RBFOX1: variants seen among roughly 807,000 people sequenced by gnomAD.
RBFOX1 encodes RNA binding protein fox-1 homolog 1.
In RBFOX1, 8 loss-of-function variants were observed where a neutral mutation model predicts 57.7. The ratio of observed to expected loss-of-function variants is 0.14; its 90% confidence interval spans 0.08 to 0.25. RBFOX1 has a LOEUF of 0.25. RBFOX1 is among the 10% of genes least tolerant of loss of function. The pLI, the probability that RBFOX1 is intolerant of heterozygous loss-of-function variation, is 1.00. For missense variants in RBFOX1, 611 were observed against 548.5 expected (o/e 1.11, Z -1.14); for synonymous variants, 326 against 222.4 (o/e 1.47, Z -4.15).
chr16:5,797,683 C>G (rs528290865), intron 3 of RBFOX1, among the ~76,000 whole-genome samples: 39 of 152,158 alleles, frequency 2.6e-4, no homozygotes, highest in African/African-American at 9.2e-4. Flanking sequence ...CTAATCAAAG[C>G]CAGATTGTGG....
intron 1 of RBFOX1, among the ~76,000 whole-genome samples, chr16:5,364,820 G>A (rs573958785): frequency 3.2e-4 from 48 of 152,260 alleles, no homozygotes; most frequent in African/African-American, 1.1e-3. Flanking sequence ...CAGCTATGGG[G>A]CTTGGCTTGT....
intron 4 of RBFOX1, among the ~76,000 whole-genome samples, chr16:7,165,418 T>G (rs2079252597): frequency 6.7e-6 from 1 of 148,306 alleles, no homozygotes; most frequent in Admixed American, 6.8e-5. Flanking sequence ...ATGATAATAA[T>G]CATTATTATT....
At chr16:5,628,290 C>A (rs1333178547) in intron 3 of RBFOX1, among the ~76,000 whole-genome samples, 2 of 152,158 alleles carry the variant, frequency 1.3e-5, no homozygotes, top group Non-Finnish European at 2.9e-5. Context: ...GGTGATCCTA[C>A]CTGTGATACC....
intron 4 of RBFOX1, among the ~76,000 whole-genome samples, chr16:7,466,035 A>G (rs2060460417): frequency 1.3e-5 from 2 of 152,116 alleles, no homozygotes. Context: ...GTGTTTTCTG[A>G]TCCTGAGCTT....
At chr16:5,832,318 T>C (rs1267517643) in intron 3 of RBFOX1, among the ~76,000 whole-genome samples, 1 of 152,094 alleles carries the variant, frequency 6.6e-6, no homozygotes, top group Non-Finnish European at 1.5e-5. Context: ...GCTAATGGAC[T>C]AGGGAAGGGT....
chr16:6,803,289 A>C (rs973214333), intron 3 of RBFOX1, among the ~76,000 whole-genome samples: 1 of 152,200 alleles, frequency 6.6e-6, no homozygotes, highest in Non-Finnish European at 1.5e-5. Context: ...GAAGGCCCAC[A>C]TCCCAGAACT....
At chr16:5,795,894 A>C (rs2054861428) in intron 3 of RBFOX1, among the ~76,000 whole-genome samples, 1 of 152,180 alleles carries the variant, frequency 6.6e-6, no homozygotes, top group Non-Finnish European at 1.5e-5. Context: ...CTAATGACTT[A>C]GTTCTTTTGT....
chr16:5,959,128 A>G (rs902484599), intron 4 of RBFOX1, among the ~76,000 whole-genome samples: 36 of 152,210 alleles, frequency 2.4e-4, no homozygotes, highest in African/African-American at 8.7e-4. Flanking sequence ...ACTGAAGTGT[A>G]AGGAGGTCAA....
intron 4 of RBFOX1, among the ~76,000 whole-genome samples, chr16:7,243,840 G>A (rs147184802): frequency 2.0e-5 from 3 of 152,218 alleles, no homozygotes; most frequent in African/African-American, 7.2e-5. Context: ...ATGAGCCACT[G>A]CATCCTACCC....
chr16:7,045,416 A>G (rs903410423), intron 3 of RBFOX1, among the ~76,000 whole-genome samples: 2 of 152,120 alleles, frequency 1.3e-5, no homozygotes, highest in African/African-American at 4.8e-5. Context: ...TTATTCCCAA[A>G]TCTCATTTTC....
intron 1 of RBFOX1, among the ~76,000 whole-genome samples, chr16:6,126,353 A>G (rs1054715143): frequency 1.3e-5 from 2 of 152,206 alleles, no homozygotes; most frequent in African/African-American, 4.8e-5. Flanking sequence ...TCTGGCAGTC[A>G]TCATAGCTAA....
intron 4 of RBFOX1, among the ~76,000 whole-genome samples, chr16:7,235,535 G>A (rs1434772410): frequency 6.6e-6 from 1 of 152,168 alleles, no homozygotes. Flanking sequence ...TAGCTTCATC[G>A]CTTATGTACA....
chr16:5,457,211 A>G (rs2068656988), intron 1 of RBFOX1, among the ~76,000 whole-genome samples: 1 of 152,114 alleles, frequency 6.6e-6, no homozygotes, highest in South Asian at 2.1e-4. Flanking sequence ...ATCTTGGCTC[A>G]CTGCAACCTC....
intron 14 of RBFOX1, among the ~76,000 whole-genome samples, chr16:7,698,420 A>C (rs966833436): frequency 6.6e-6 from 1 of 152,016 alleles, no homozygotes; most frequent in Non-Finnish European, 1.5e-5. Context: ...AAAGCTGTTG[A>C]AACTGTTCTC....
chr16:7,026,179 G>C (rs1047743548), intron 3 of RBFOX1, among the ~76,000 whole-genome samples: 5 of 152,142 alleles, frequency 3.3e-5, no homozygotes, highest in African/African-American at 1.2e-4. Flanking sequence ...CCAACTTCTT[G>C]GGGCCTACTC....
intron 5 of RBFOX1, among the ~76,000 whole-genome samples, chr16:7,533,602 G>A (rs914129128): frequency 6.6e-6 from 1 of 152,086 alleles, no homozygotes; most frequent in Admixed American, 6.5e-5. Flanking sequence ...GCCTACAGAT[G>A]GGCAAAATCA....
intron 3 of RBFOX1, among the ~76,000 whole-genome samples, chr16:6,742,790 G>T (rs1356730046): frequency 6.6e-6 from 1 of 152,120 alleles, no homozygotes; most frequent in Non-Finnish European, 1.5e-5. Flanking sequence ...CATGAGAGAA[G>T]TATAAAGATT....
rs990479325 is a variant in RBFOX1 at position 5,891,887 on chromosome 16, A to T, written c.351+24552A>T. 2.6e-5 allele frequency among the ~76,000 whole-genome samples: 4 copies of T among 152,212 alleles called. No homozygotes were observed. In the East Asian group the frequency reaches 7.7e-4, roughly 29 times the overall value. ...GGATTCTAGGAACAAAAACAACAGC[A>T]GCACACGTTGCGCAGGACTAAAGCC... On this transcript the variant is annotated intron_variant, in intron 4 of 19. Transcript: ENST00000641259.
chr16:5,600,467 A>T (rs1176635914), downstream of RBFOX1, among the ~76,000 whole-genome samples: 2 of 146,120 alleles, frequency 1.4e-5, no homozygotes, highest in African/African-American at 5.1e-5. Flanking sequence ...GCCTGGGCAA[A>T]CAGAGTAAGA....
Sources: gnomAD v4.1 joint callset for allele counts (sites outside exome capture counted in the v4.1 genomes callset) on GRCh38, gnomAD v4.1.1 for gene constraint, MANE v1.5 for transcripts, NCBI Gene and HGNC (gene_info 2026-07-23, HGNC 2026-07-21) for gene names.